The following ADAM22 variants were observed in gnomAD, a reference collection of about 807,000 sequenced individuals.
ADAM22 encodes the protein disintegrin and metalloproteinase domain-containing protein 22.
A neutral mutation model predicts 144.6 loss-of-function variants in ADAM22; 65 were observed. The observed-to-expected ratio is 0.45, with a 90% CI of 0.37 to 0.55. ADAM22 has a LOEUF of 0.55. Among genes scored for constraint, ADAM22 ranks in the 20% least tolerant of loss-of-function variants. The pLI, the probability that ADAM22 is intolerant of heterozygous loss-of-function variation, is 0.00. For synonymous variants in ADAM22, 391 were observed against 412.6 expected, an observed-to-expected ratio of 0.95 and a Z score of 0.63; for missense variants, 974 against 1,184.9, an observed-to-expected ratio of 0.82 and a Z score of 2.61.
intron 8 of ADAM22, among the ~76,000 whole-genome samples, 165 bp downstream of exon 8, chr7:88,125,824 G>A (rs564759344): frequency 6.4e-4 from 97 of 152,056 alleles, no homozygotes; most frequent in African/African-American, 2.2e-3. Context: ...TAGAAAGGGG[G>A]CCATGTTGTT....
chr7:88,012,309 G>C (rs1450764650), intron 3 of ADAM22, among the ~76,000 whole-genome samples: 1 of 152,096 alleles, frequency 6.6e-6, no homozygotes. Flanking sequence ...TTCCCTGATA[G>C]TTCCAAAATC....
chr7:88,167,417 A>C (rs1563375734), intron 24 of ADAM22, among the ~76,000 whole-genome samples: 1 of 152,108 alleles, frequency 6.6e-6, no homozygotes, highest in Non-Finnish European at 1.5e-5. Flanking sequence ...GGATACTGGC[A>C]CAACAATGCC....
At chr7:88,088,089 G>A (rs1202093474) in intron 4 of ADAM22, among the ~76,000 whole-genome samples, 1 of 152,158 alleles carries the variant, frequency 6.6e-6, no homozygotes, top group South Asian at 2.1e-4. Context: ...ATACATAAGG[G>A]TGGGAGAGGT....
intron 3 of ADAM22, among the ~76,000 whole-genome samples, chr7:88,012,451 A>G (rs1251264878): frequency 1.3e-5 from 2 of 152,132 alleles, no homozygotes; most frequent in African/African-American, 4.8e-5. Context: ...GAGCAAAGGT[A>G]TATAGGTCTT....
intron 3 of ADAM22, among the ~76,000 whole-genome samples, chr7:88,057,723 C>T (rs1357571889): frequency 6.6e-6 from 1 of 152,106 alleles, no homozygotes; most frequent in Non-Finnish European, 1.5e-5. Flanking sequence ...TGTAAGTTGG[C>T]TGATATTTGC....
At chr7:88,048,049 G>A (rs1336077145) in intron 3 of ADAM22, among the ~76,000 whole-genome samples, 1 of 152,066 alleles carries the variant, frequency 6.6e-6, no homozygotes, top group African/African-American at 2.4e-5. Flanking sequence ...TTCTTCTTAT[G>A]TCCTGCCCTG....
chr7:87,974,111 A>G (rs1272468194), intron 2 of ADAM22, among the ~76,000 whole-genome samples: 4 of 150,872 alleles, frequency 2.7e-5, no homozygotes, highest in Non-Finnish European at 4.4e-5. Flanking sequence ...AAAAAAAAAA[A>G]AGAGAAACCT....
At chr7:87,980,683 T>C (rs1853162102) in intron 3 of ADAM22, among the ~76,000 whole-genome samples, 1 of 152,174 alleles carries the variant, frequency 6.6e-6, no homozygotes, top group Non-Finnish European at 1.5e-5. Context: ...AAATTATCTA[T>C]AAGTAGATTA....
At chr7:88,019,931 T>C (rs1013071651) in intron 3 of ADAM22, among the ~76,000 whole-genome samples, 1 of 149,796 alleles carries the variant, frequency 6.7e-6, no homozygotes, top group Non-Finnish European at 1.5e-5. Context: ...AATAAAAAGA[T>C]TAAACCTCAA....
intron 4 of ADAM22, among the ~76,000 whole-genome samples, chr7:88,103,920 T>C (rs1823656863): frequency 6.6e-6 from 1 of 152,128 alleles, no homozygotes; most frequent in Non-Finnish European, 1.5e-5. Context: ...CAGTGTATAT[T>C]CTAAAACATG....
At chr7:88,044,276 C>T (rs1290719445) in intron 3 of ADAM22, among the ~76,000 whole-genome samples, 3 of 152,134 alleles carry the variant, frequency 2.0e-5, no homozygotes, top group African/African-American at 7.2e-5. Context: ...ATAGATTCTG[C>T]ATCATATCAT....
intron 6 of ADAM22, among the ~76,000 whole-genome samples, chr7:88,115,207 C>T (rs749055590): frequency 6.6e-6 from 1 of 152,182 alleles, no homozygotes; most frequent in Non-Finnish European, 1.5e-5. Context: ...CAGAATGAGA[C>T]TCCGTCTCCA....
At chr7:88,022,502 A>G (rs774351179) in intron 3 of ADAM22, among the ~76,000 whole-genome samples, 1 of 152,236 alleles carries the variant, frequency 6.6e-6, no homozygotes, top group African/African-American at 2.4e-5. Flanking sequence ...GGATTTTACC[A>G]AGAGAACAGT....
chr7:88,147,087 C>T (rs1330875650), intron 17 of ADAM22, among the ~76,000 whole-genome samples: 1 of 152,134 alleles, frequency 6.6e-6, no homozygotes, highest in Admixed American at 6.6e-5. Flanking sequence ...ACTAGGCTCC[C>T]TGTGATATAA....
intron 2 of ADAM22, among the ~76,000 whole-genome samples, chr7:87,963,140 G>A (rs1286725486): frequency 6.6e-6 from 1 of 152,166 alleles, no homozygotes; most frequent in Admixed American, 6.5e-5. Context: ...TGTGTACACA[G>A]TAGGGGTTCA....
intron 14 of ADAM22, 58 bp downstream of exon 14, chr7:88,136,089 T>A: frequency 6.7e-7 from 1 of 1,500,854 alleles, no homozygotes; most frequent in South Asian, 1.2e-5. Flanking sequence ...TGCTGTTGTC[T>A]TCTTAGGAAT....
At chr7:88,053,452 G>T (rs1302249665) in intron 3 of ADAM22, among the ~76,000 whole-genome samples, 1 of 151,736 alleles carries the variant, frequency 6.6e-6, no homozygotes, top group African/African-American at 2.4e-5. Flanking sequence ...CAGGGGAACA[G>T]AGCAAGTATC....
At chr7:88,118,329 C>T (rs2129491377) in intron 7 of ADAM22, among the ~76,000 whole-genome samples, 1 of 152,286 alleles carries the variant, frequency 6.6e-6, no homozygotes, top group African/African-American at 2.4e-5. Flanking sequence ...AATGAACATT[C>T]TCTCCCCTTC....
At chr7:88,080,731 T>C (rs897553766) in intron 4 of ADAM22, among the ~76,000 whole-genome samples, 2 of 151,962 alleles carry the variant, frequency 1.3e-5, no homozygotes, top group African/African-American at 4.8e-5. Flanking sequence ...TCTATGCAAA[T>C]AAACTAGAAA....
Sources: allele counts gnomAD v4.1 joint callset (sites outside exome capture counted in the v4.1 genomes callset), GRCh38; gene constraint gnomAD v4.1.1; transcripts MANE v1.5; gene names NCBI Gene and HGNC (gene_info 2026-07-23, HGNC 2026-07-21).